The following KCNAB1 variants were observed in gnomAD, a reference collection of about 807,000 sequenced individuals.
KCNAB1 encodes the protein potassium voltage-gated channel subfamily A regulatory beta subunit 1.
KCNAB1 carries 35 observed loss-of-function variants against 64.6 expected under a neutral mutation model. The ratio of observed to expected loss-of-function variants is 0.54; its 90% CI spans 0.41 to 0.72. The LOEUF is 0.72. Among genes scored for constraint, KCNAB1 ranks in the 30% least tolerant of loss-of-function variants. The pLI is 0.00. For missense variants in KCNAB1, 401 were observed against 512.9 expected, an observed-to-expected ratio of 0.78 and a Z score of 2.11; for synonymous variants, 177 against 183.8, an observed-to-expected ratio of 0.96 and a Z score of 0.30.
At chr3:156,427,270 C>T (rs1715883563) in intron 2 of KCNAB1, among the ~76,000 whole-genome samples, 1 of 152,128 alleles carries the variant, frequency 6.6e-6, no homozygotes, top group Non-Finnish European at 1.5e-5. Context: ...CTTCAGATAT[C>T]TAGAGAACAA....
intron 1 of KCNAB1, among the ~76,000 whole-genome samples, chr3:156,159,687 A>G (rs1715960712): frequency 6.6e-6 from 1 of 152,196 alleles, no homozygotes; most frequent in African/African-American, 2.4e-5. Context: ...TGCATACCCC[A>G]TCCCACTAAC....
chr3:156,276,756 T>C (rs1352157837), intron 1 of KCNAB1, among the ~76,000 whole-genome samples: 1 of 152,222 alleles, frequency 6.6e-6, no homozygotes, highest in East Asian at 1.9e-4. Context: ...AAAAGAATTA[T>C]GGCCTTGCTC....
intron 1 of KCNAB1, among the ~76,000 whole-genome samples, chr3:156,225,786 C>G (rs1361616135): frequency 3.9e-5 from 6 of 152,116 alleles, no homozygotes; most frequent in Non-Finnish European, 8.8e-5. Context: ...AGCGACCAAG[C>G]TGAGAATCAA....
intron 1 of KCNAB1, among the ~76,000 whole-genome samples, chr3:156,187,681 A>G (rs1713290878): frequency 6.6e-6 from 1 of 152,172 alleles, no homozygotes; most frequent in South Asian, 2.1e-4. Flanking sequence ...ATTCATCCTC[A>G]TGACTTCTTA....
intron 1 of KCNAB1, among the ~76,000 whole-genome samples, chr3:156,198,395 G>T (rs1714096940): frequency 6.6e-6 from 1 of 152,120 alleles, no homozygotes; most frequent in Non-Finnish European, 1.5e-5. Flanking sequence ...GGGTGTTAAA[G>T]TCTCCCACTA....
At chr3:156,367,955 A>G (rs894381991) in intron 1 of KCNAB1, among the ~76,000 whole-genome samples, 7 of 152,316 alleles carry the variant, frequency 4.6e-5, no homozygotes, top group South Asian at 2.1e-4. Context: ...TCCTCCTCAA[A>G]GCTGCTTTCA....
chr3:156,371,900 T>G (rs572201266), intron 1 of KCNAB1, among the ~76,000 whole-genome samples: 3 of 152,184 alleles, frequency 2.0e-5, no homozygotes, highest in Non-Finnish European at 4.4e-5. Flanking sequence ...CCATAAATCT[T>G]TGCTCGTTAC....
chr3:156,291,717 A>G, intron 1 of KCNAB1: 1 of 1,433,008 alleles, frequency 7.0e-7, no homozygotes, highest in Non-Finnish European at 9.1e-7. Flanking sequence ...TCTTTCCTGC[A>G]TCGCAGCCCC....
At chr3:156,356,123 A>G (rs73164709) in intron 1 of KCNAB1, among the ~76,000 whole-genome samples, 20,228 of 148,842 alleles carry the variant, frequency 0.14, 980 homozygotes, top group Middle Eastern at 0.21. Flanking sequence ...CCCTGTAAAA[A>G]AAAAAAAAAA....
intron 1 of KCNAB1, among the ~76,000 whole-genome samples, chr3:156,262,422 G>GT (rs1718485206): frequency 6.6e-6 from 1 of 151,694 alleles, no homozygotes; most frequent in Non-Finnish European, 1.5e-5. Context: ...TTTGATAAGT[G>GT]TTTTTTTCTT....
chr3:156,346,515 G>T (rs948366667), intron 1 of KCNAB1, among the ~76,000 whole-genome samples: 11 of 152,118 alleles, frequency 7.2e-5, no homozygotes, highest in African/African-American at 2.7e-4. Flanking sequence ...GTGGGAAGGG[G>T]CATAGAATTT....
At position 156,529,491 on chromosome 3, in the gene KCNAB1, T is replaced by TG. The variant is rs530689606; in HGVS notation, c.1082-1918_1082-1917insG. Among the ~76,000 whole-genome samples, 3 of 146,016 alleles carry TG rather than the reference T, an allele frequency of 2.1e-5. No individual in the cohort carries two copies. The East Asian group carries it at 6.0e-4, about 29-fold the overall frequency. On this transcript the variant is annotated intron_variant, in intron 12 of 13. Transcript: ENST00000490337. ...TAAATTTTACCTCAATAAAGTTGGT[T>TG]AAAAAAAAAAAAAGAGCATGGTCCC...
At chr3:156,407,072 C>G (rs1714295245) in intron 1 of KCNAB1, among the ~76,000 whole-genome samples, 1 of 152,184 alleles carries the variant, frequency 6.6e-6, no homozygotes, top group South Asian at 2.1e-4. Context: ...GAGTCTGTAG[C>G]AGCTTTTGGA....
At chr3:156,337,931 C>A (rs1396800548) in intron 1 of KCNAB1, among the ~76,000 whole-genome samples, 6 of 152,200 alleles carry the variant, frequency 3.9e-5, no homozygotes, top group Non-Finnish European at 8.8e-5. Flanking sequence ...CCAAACACTG[C>A]AGTATGAACT....
At chr3:156,182,752 G>A (rs1392312064) in intron 1 of KCNAB1, among the ~76,000 whole-genome samples, 1 of 148,212 alleles carries the variant, frequency 6.7e-6, no homozygotes, top group East Asian at 2.0e-4. Context: ...GGGTTGGAGT[G>A]CACTGGTGCC....
intron 7 of KCNAB1, among the ~76,000 whole-genome samples, chr3:156,466,996 T>C (rs1297867790): frequency 1.3e-5 from 2 of 152,094 alleles, no homozygotes; most frequent in Admixed American, 6.6e-5. Flanking sequence ...AAATTGAGAA[T>C]ATCTTAAGCT....
At chr3:156,503,704 T>A (rs900714219) in intron 8 of KCNAB1, among the ~76,000 whole-genome samples, 7 of 151,998 alleles carry the variant, frequency 4.6e-5, no homozygotes, top group Admixed American at 1.3e-4. Flanking sequence ...ACAGGGGCAA[T>A]GCCACAAAGC....
chr3:156,474,092 G>T (rs6793839), intron 7 of KCNAB1, among the ~76,000 whole-genome samples: 2 of 151,922 alleles, frequency 1.3e-5, no homozygotes, highest in Non-Finnish European at 2.9e-5. Context: ...TAGCATTAGC[G>T]TCCAGTGTTT....
At chr3:156,511,935 T>C (rs538478404) in intron 8 of KCNAB1, among the ~76,000 whole-genome samples, 2 of 152,332 alleles carry the variant, frequency 1.3e-5, no homozygotes, top group Admixed American at 1.3e-4. Context: ...CTGTCCTTCC[T>C]CAGGGCCTAG....
Sources: allele counts gnomAD v4.1 joint callset (sites outside exome capture counted in the v4.1 genomes callset), GRCh38; gene constraint gnomAD v4.1.1; transcripts MANE v1.5; gene names NCBI Gene and HGNC (gene_info 2026-07-23, HGNC 2026-07-21).